Variants in TRIOBP observed in about 807,000 individuals in gnomAD.
TRIOBP encodes TRIO and F-actin-binding protein.
In TRIOBP, 169 loss-of-function variants were observed where a neutral mutation model predicts 238.8. The observed-to-expected ratio is 0.71, with a 90% confidence interval of 0.62 to 0.80. The LOEUF (loss-of-function observed/expected upper bound fraction) is 0.80, where lower values mean the gene tolerates loss of function less well. Ranked by LOEUF, TRIOBP falls within the 30% of genes least tolerant of loss-of-function variation. The pLI, the probability that TRIOBP is intolerant of heterozygous loss-of-function variation, is 0.00. For synonymous variants in TRIOBP, 1,150 were observed against 1,274.4 expected, an observed-to-expected ratio of 0.90 and a Z score of 2.08; for missense variants, 2,838 against 3,122.6, an observed-to-expected ratio of 0.91 and a Z score of 2.17.
In TRIOBP at chr22:37,724,967, C is replaced by T. The variant is rs923466003; in HGVS notation, c.2411C>T (p.Ser804Phe). ...GCCCAGCGGGACAATCTCAGAGCCT[C>T]CTCTCCCATCAGAGCCACCCAACAG... ...SCAQRDNLRA[S>F]SPIRATQQDN... Residue 804 changes from serine to phenylalanine, a missense_variant, in exon 7 of 24, where the codon TCC becomes TTC. This residue lies in a region of TRIOBP where 2,096 missense variants were observed against 2,137.4 expected (regional missense o/e 0.98). Coordinates refer to ENST00000644935, the MANE Select transcript of TRIOBP (RefSeq NM_001039141.3). 8 of 1,614,024 alleles carry T rather than the reference C, an allele frequency of 5.0e-6. No individual in the cohort carries two copies. In the Admixed American group the frequency reaches 5.0e-5, roughly 10 times the overall value.
intron 11 of TRIOBP, chr22:37,750,646 A>G: frequency 2.1e-6 from 1 of 471,156 alleles, no homozygotes; most frequent in Non-Finnish European, 4.4e-6. Flanking sequence ...AGACAGGTAT[A>G]CAGGGAGGGG....
intron 6 of TRIOBP, among the ~76,000 whole-genome samples, chr22:37,716,265 C>T (rs1923514106): frequency 6.6e-6 from 1 of 152,028 alleles, no homozygotes; most frequent in African/African-American, 2.4e-5. Flanking sequence ...GCTCCCGCCA[C>T]CATGCCCAGC....
At chr22:37,736,541 T>G (rs1924680258) in intron 9 of TRIOBP, among the ~76,000 whole-genome samples, 1 of 152,178 alleles carries the variant, frequency 6.6e-6, no homozygotes, top group Non-Finnish European at 1.5e-5. Flanking sequence ...CTCAGACTCC[T>G]TAGGCATTTG....
In TRIOBP at chr22:37,758,073, C is replaced by T. The variant is rs61729064; in HGVS notation, c.6148C>T (p.Leu2050Phe). The change falls in exon 16 of 24, where the codon CTC becomes TTC. Residue 2050 changes from leucine to phenylalanine, a missense_variant. Coordinates refer to ENST00000644935, the MANE Select transcript of TRIOBP (RefSeq NM_001039141.3). ...TAAGCGGGTGCCCCTCACTGCCCTG[C>T]TCAACCAAAGCCGCGGAGAGCGCCG... ...ENKRVPLTAL[L>F]NQSRGERRGP... 1 of 1,611,696 alleles carries T rather than the reference C, an allele frequency of 6.2e-7. No homozygotes were observed. Among genetic ancestry groups the T allele is most frequent in the South Asian group, 1.1e-5 (1 of 91,032 alleles).
At chr22:37,730,110 T>C (rs1293502249) in intron 7 of TRIOBP, among the ~76,000 whole-genome samples, 1 of 152,196 alleles carries the variant, frequency 6.6e-6, no homozygotes, top group African/African-American at 2.4e-5. Flanking sequence ...CCTGTGGTCA[T>C]TTGAATTCAA....
intron 11 of TRIOBP, chr22:37,750,834 G>A (rs1925551899): frequency 4.5e-6 from 2 of 441,784 alleles, no homozygotes; most frequent in South Asian, 1.7e-5. Context: ...CACTGTCACC[G>A]CCCACTCCAC....
intron 15 of TRIOBP, 33 bp downstream of exon 15, chr22:37,755,692 AGGCACTTACC>A: frequency 6.2e-7 from 1 of 1,601,162 alleles, no homozygotes; most frequent in Non-Finnish European, 8.6e-7. Flanking sequence ...GCCTTGAGGG[AGGCACTTACC>A]CTTGCGTCCC....
chr22:37,740,492 A>C (rs1924878788), intron 10 of TRIOBP, among the ~76,000 whole-genome samples: 1 of 152,156 alleles, frequency 6.6e-6, no homozygotes, highest in Non-Finnish European at 1.5e-5. Flanking sequence ...TGCCATGGGG[A>C]AGACGGGCCC....
intron 9 of TRIOBP, among the ~76,000 whole-genome samples, chr22:37,736,459 GC>G (rs1924677987): frequency 1.3e-5 from 2 of 152,274 alleles, no homozygotes; most frequent in East Asian, 3.9e-4. Flanking sequence ...CCCGTGCTGG[GC>G]CCAGGGCCTT....
At chr22:37,712,226 C>T (rs1418609084) in intron 4 of TRIOBP, among the ~76,000 whole-genome samples, 1 of 152,122 alleles carries the variant, frequency 6.6e-6, no homozygotes, top group Admixed American at 6.5e-5. Context: ...CTTGCTCTAT[C>T]ACCCAAGCTG....
intron 6 of TRIOBP, among the ~76,000 whole-genome samples, chr22:37,720,619 A>G (rs955388715): frequency 1.3e-5 from 2 of 152,192 alleles, no homozygotes; most frequent in African/African-American, 4.8e-5. Context: ...GGAGAGAAAT[A>G]GTGGTGGCTT....
At chr22:37,733,785 C>T (rs372584700) in intron 8 of TRIOBP, among the ~76,000 whole-genome samples, 4 of 151,430 alleles carry the variant, frequency 2.6e-5, no homozygotes, top group African/African-American at 7.3e-5. Context: ...ATTCTTCTAC[C>T]TCAGCCTCCC....
At chr22:37,749,947 C>T (rs1925495336) in intron 11 of TRIOBP, among the ~76,000 whole-genome samples, 1 of 152,186 alleles carries the variant, frequency 6.6e-6, no homozygotes, top group South Asian at 2.1e-4. Flanking sequence ...GAGCAGGGCC[C>T]TGTCTCAACA....
chr22:37,711,429 A>G (rs1356332114), intron 4 of TRIOBP, among the ~76,000 whole-genome samples: 1 of 151,996 alleles, frequency 6.6e-6, no homozygotes, highest in Non-Finnish European at 1.5e-5. Context: ...CTATACAAAA[A>G]TTAGCCAGGC....
In TRIOBP at chr22:37,769,248, C is replaced by T. The variant is rs755023034; in HGVS notation, c.6736-14C>T. The T allele has an allele frequency of 5.0e-6, 8 of 1,607,462 alleles. No homozygotes were observed. Among genetic ancestry groups the T allele is most frequent in the South Asian group, 1.1e-5 (1 of 90,128 alleles). On this transcript the variant is annotated splice_polypyrimidine_tract_variant and intron_variant, in intron 20 of 23. Transcript: ENST00000644935. ...GTCCCGGCACCCCTCCCCTGACCAC[C>T]GTGCCTCTCCCAGGAGCTGCATGGC...
intron 18 of TRIOBP, 24 bp from the exon 19 acceptor site, chr22:37,768,050 T>C (rs1454633619): frequency 6.3e-7 from 1 of 1,597,590 alleles, no homozygotes. Context: ...CAGTCTCTCT[T>C]GTGCCTCTCT....
rs1923895136 is a variant in TRIOBP at position 37,722,636 on chromosome 22, A to C, written c.629-549A>C. Reference sequence around the variant, plus strand: ...CAGCTACTCGGGAGGCTGAGGCAGGAGAATGGCTTGAACCTGGGAGGCGGA... The same window carrying C: ...CAGCTACTCGGGAGGCTGAGGCAGGCGAATGGCTTGAACCTGGGAGGCGGA... On this transcript the variant is annotated intron_variant, in intron 6 of 23. Transcript: ENST00000644935. 1.3e-5 allele frequency among the ~76,000 whole-genome samples: 2 copies of C among 152,116 alleles called. 1 individual carries two copies. Among genetic ancestry groups the C allele is most frequent in the South Asian group, 4.1e-4 (2 of 4,824 alleles).
intron 2 of TRIOBP, among the ~76,000 whole-genome samples, chr22:37,699,936 T>A (rs1922559120): frequency 1.3e-5 from 2 of 152,074 alleles, no homozygotes; most frequent in African/African-American, 4.8e-5. Flanking sequence ...TGGAGTGAAG[T>A]GGCGTGCTCT....
At chr22:37,713,567 C>T (rs1028752351) in intron 5 of TRIOBP, among the ~76,000 whole-genome samples, 156 bp downstream of exon 5, 19 of 152,204 alleles carry the variant, frequency 1.2e-4, no homozygotes, top group Non-Finnish European at 2.4e-4. Context: ...GCCACCCCGG[C>T]GAACCCCTGG....
Sources: gnomAD v4.1 joint callset for allele counts (sites outside exome capture counted in the v4.1 genomes callset) on GRCh38, gnomAD v4.1.1 for gene constraint, gnomAD v4.1.1 regional missense constraint, MANE v1.5 for transcripts, NCBI Gene and HGNC (gene_info 2026-07-23, HGNC 2026-07-21) for gene names.